The following PREX2 variants were observed in gnomAD, a reference collection of about 807,000 sequenced individuals.
The protein encoded by PREX2 is phosphatidylinositol-3,4,5-trisphosphate dependent Rac exchange factor 2, also known as phosphatidylinositol 3,4,5-trisphosphate-dependent Rac exchanger 2 protein.
In PREX2, 107 loss-of-function variants were observed where a neutral mutation model predicts 203.2. That is an observed-to-expected ratio of 0.53 (90% CI 0.45 to 0.62). PREX2 has a LOEUF of 0.62. PREX2 is among the 20% of genes least tolerant of loss of function. PREX2 has a pLI of 0.00. For missense variants in PREX2, 1,777 were observed against 1,955.9 expected (o/e 0.91, Z 1.72); for synonymous variants, 672 against 663.6 (o/e 1.01, Z -0.19).
intron 22 of PREX2, among the ~76,000 whole-genome samples, chr8:68,097,709 G>A (rs1810127467): frequency 6.6e-6 from 1 of 152,212 alleles, no homozygotes; most frequent in Admixed American, 6.5e-5. Flanking sequence ...GGAGCACAGT[G>A]TTAAGTTAGA....
At chr8:67,953,768 A>G (rs1051635192) in intron 1 of PREX2, among the ~76,000 whole-genome samples, 1 of 152,246 alleles carries the variant, frequency 6.6e-6, no homozygotes, top group Admixed American at 6.5e-5. Flanking sequence ...TCCAGGGGCC[A>G]CATTCTCTGC....
intron 34 of PREX2, among the ~76,000 whole-genome samples, chr8:68,150,233 C>T (rs1229911941): frequency 6.6e-6 from 1 of 152,098 alleles, no homozygotes; most frequent in African/African-American, 2.4e-5. Context: ...GAGGCTTTTC[C>T]AGGACTCCCC....
chr8:68,002,738 T>C (rs1033530159), intron 1 of PREX2, among the ~76,000 whole-genome samples: 1 of 152,212 alleles, frequency 6.6e-6, no homozygotes, highest in Non-Finnish European at 1.5e-5. Context: ...TGGTTCTTCC[T>C]AAATTTAAGA....
chr8:67,961,016 G>A (rs1394429280), intron 1 of PREX2, among the ~76,000 whole-genome samples: 1 of 150,168 alleles, frequency 6.7e-6, no homozygotes, highest in African/African-American at 2.5e-5. Flanking sequence ...TTAAACCATG[G>A]TGCAAATAGT....
At chr8:68,100,297 C>T (rs1585791914) in intron 23 of PREX2, 1 of 436,188 alleles carries the variant, frequency 2.3e-6, no homozygotes, top group South Asian at 1.7e-5. Context: ...ATTAGGCACC[C>T]TCTATGTGCC....
In PREX2 at chr8:68,231,429, G is replaced by T; in HGVS notation, c.*51G>T. The T allele has an allele frequency of 7.0e-7, 1 of 1,434,734 alleles. No individual in the cohort carries two copies. Among genetic ancestry groups the T allele is most frequent in the South Asian group, 1.3e-5 (1 of 77,646 alleles). 88.9% of individuals were successfully genotyped at this position (1,434,734 alleles called of 1,614,324 possible). The stretch of plus-strand genomic sequence containing the variant: ...GCAGAAGCTCCTGAATGCTGGACTA[G>T]ACAAACTACATGCTGGCTAAACATT... On this transcript the variant is annotated 3_prime_UTR_variant, in exon 40 of 40. Transcript: ENST00000288368.
chr8:67,990,588 C>G (rs150761558), intron 1 of PREX2, among the ~76,000 whole-genome samples: 2 of 151,494 alleles, frequency 1.3e-5, no homozygotes, highest in East Asian at 3.9e-4. Context: ...CAGCTCACTG[C>G]AACCTCCGCC....
intron 10 of PREX2, among the ~76,000 whole-genome samples, chr8:68,060,113 G>C (rs551315236): frequency 9.7e-4 from 148 of 152,276 alleles, no homozygotes; most frequent in Middle Eastern, 3.4e-3. Context: ...GAAAAACCAA[G>C]GGGAGGGAAT....
intron 1 of PREX2, among the ~76,000 whole-genome samples, chr8:67,959,358 G>A (rs1364575394): frequency 6.6e-6 from 1 of 152,170 alleles, no homozygotes; most frequent in Non-Finnish European, 1.5e-5. Flanking sequence ...GTCAGAACCA[G>A]TTGAGACACG....
At chr8:67,980,460 G>C (rs1806235456) in intron 1 of PREX2, among the ~76,000 whole-genome samples, 1 of 135,230 alleles carries the variant, frequency 7.4e-6, no homozygotes, top group South Asian at 2.8e-4. Context: ...AGGGGGAAGG[G>C]CCGGCAACAT....
rs1809385895 is a variant in PREX2, at chr8:68,077,481, T to C, written c.1642+12T>C. On this transcript the variant is annotated intron_variant, in intron 15 of 39. Coordinates refer to ENST00000288368, the MANE Select transcript of PREX2 (RefSeq NM_024870.4). ...ATTTATGCACCATGGTAGGGATTTT[T>C]TACCCTGGGAGCTTACAGATGTATT... 3 of 1,585,232 alleles carry C rather than the reference T, an allele frequency of 1.9e-6. No homozygotes were observed. In the South Asian group the frequency reaches 3.3e-5, roughly 18 times the overall value.
At chr8:68,212,739 C>T (rs1812763121) in intron 37 of PREX2, among the ~76,000 whole-genome samples, 1 of 152,146 alleles carries the variant, frequency 6.6e-6, no homozygotes, top group African/African-American at 2.4e-5. Context: ...TATTTTGTCT[C>T]TTCTCTAGCA....
At chr8:68,119,746 TA>T (rs1810730949) in intron 28 of PREX2, among the ~76,000 whole-genome samples, 1 of 152,216 alleles carries the variant, frequency 6.6e-6, no homozygotes, top group African/African-American at 2.4e-5. Context: ...AAATTACTGT[TA>T]TACACATAGG....
At chr8:68,159,205 A>G (rs1348960083) in intron 35 of PREX2, among the ~76,000 whole-genome samples, 1 of 152,182 alleles carries the variant, frequency 6.6e-6, no homozygotes, top group Non-Finnish European at 1.5e-5. Context: ...CTCAAAAACA[A>G]TGGACAAGAC....
chr8:68,156,032 C>A (rs1346394674), intron 34 of PREX2, among the ~76,000 whole-genome samples: 1 of 151,918 alleles, frequency 6.6e-6, no homozygotes, highest in East Asian at 1.9e-4. Context: ...TGAAAATTTC[C>A]ATTTTTTTAC....
intron 35 of PREX2, among the ~76,000 whole-genome samples, chr8:68,165,714 T>A (rs1283669043): frequency 6.6e-6 from 1 of 152,172 alleles, no homozygotes; most frequent in Non-Finnish European, 1.5e-5. Flanking sequence ...GGTCTTTAAT[T>A]ATCTGGTTCC....
intron 1 of PREX2, among the ~76,000 whole-genome samples, chr8:67,978,238 CCTT>C (rs1806165403): frequency 6.6e-6 from 1 of 152,112 alleles, no homozygotes; most frequent in South Asian, 2.1e-4. Flanking sequence ...GCTACAGAAG[CCTT>C]CTGTGTTGTG....
Position 68,231,677 on chromosome 8 carries a change from T to C in PREX2, c.*299T>C, listed in dbSNP as rs1813173948. ...CCCTGGGACATAAAGAAAAAAATAT[T>C]AGAGATTTAAAAATTAACCACCATG... On this transcript the variant is annotated 3_prime_UTR_variant, in exon 40 of 40. Transcript: ENST00000288368. The C allele has an allele frequency of 3.7e-6, 1 of 269,142 alleles. No homozygotes were observed. Among genetic ancestry groups the C allele is most frequent in the Non-Finnish European group, 6.9e-6 (1 of 144,472 alleles). The allele number at this position is 269,142 out of a possible 1,614,324, so 16.7% of individuals were successfully genotyped here.
chr8:68,105,430 G>T, intron 23 of PREX2: 1 of 1,240,816 alleles, frequency 8.1e-7, no homozygotes, highest in Non-Finnish European at 1.0e-6. Flanking sequence ...CATGTGGGCA[G>T]GGGGACATCC....
Sources: gnomAD v4.1 joint callset for allele counts (sites outside exome capture counted in the v4.1 genomes callset) on GRCh38, gnomAD v4.1.1 for gene constraint, MANE v1.5 for transcripts, NCBI Gene and HGNC (gene_info 2026-07-23, HGNC 2026-07-21) for gene names.